The following NLRP13 variants were observed in gnomAD, a reference collection of about 807,000 sequenced individuals.
NLRP13 encodes NACHT, LRR and PYD domains-containing protein 13.
A neutral mutation model predicts 94.4 loss-of-function variants in NLRP13; 82 were observed. That is an observed-to-expected ratio of 0.87 (90% CI 0.73 to 1.04). NLRP13 has a LOEUF of 1.04. Ranked by LOEUF, NLRP13 falls within the 50% of genes least tolerant of loss-of-function variation. The probability of loss-of-function intolerance (pLI) is 0.00; values close to 1 mark genes in which losing one functional copy is unlikely to be tolerated. For missense variants in NLRP13, 1,426 were observed against 1,230.8 expected (o/e 1.16, Z -2.37); for synonymous variants, 553 against 464.7 (o/e 1.19, Z -2.45).
intron 1 of NLRP13, among the ~76,000 whole-genome samples, chr19:55,930,704 A>T (rs1213353603): frequency 7.1e-6 from 1 of 141,662 alleles, no homozygotes; most frequent in Non-Finnish European, 1.5e-5. Flanking sequence ...AAAAAAAAAA[A>T]AAAGAGTCAA....
chr19:55,892,275 G>GTGAGTATAGCACC (rs1371222063), downstream of NLRP13, among the ~76,000 whole-genome samples: 1 of 152,132 alleles, frequency 6.6e-6, no homozygotes, highest in Non-Finnish European at 1.5e-5. Flanking sequence ...CACCCAGGTA[G>GTGAGTATAGCACC]TGAGTATAGC....
At chr19:55,930,450 C>T (rs1295119257) in intron 1 of NLRP13, among the ~76,000 whole-genome samples, 2 of 152,028 alleles carry the variant, frequency 1.3e-5, no homozygotes, top group East Asian at 3.9e-4. Flanking sequence ...TTTTGGGAGG[C>T]TGAGGCAGGC....
intron 1 of NLRP13, among the ~76,000 whole-genome samples, chr19:55,926,563 C>G (rs565935329): frequency 1.3e-5 from 2 of 152,266 alleles, no homozygotes; most frequent in East Asian, 1.9e-4. Context: ...ATTACTCCCC[C>G]CAGGCTCCAT....
chr19:55,920,888 GTGTA>G (rs913510666), intron 4 of NLRP13, among the ~76,000 whole-genome samples: 1 of 151,888 alleles, frequency 6.6e-6, no homozygotes, highest in Non-Finnish European at 1.5e-5. Context: ...AGAAAATGTG[GTGTA>G]TGTATGTATG....
Position 55,907,884 on chromosome 19 carries a change from G to A in NLRP13, c.2355C>T (p.Thr785=), listed in dbSNP as rs1568691583. 1.2e-6 allele frequency: 2 copies of A among 1,613,592 alleles called. No individual in the cohort carries two copies. The highest frequency in any genetic ancestry group is 1.7e-6 in the Non-Finnish European group (2 of 1,179,710). Residue 785 remains threonine, a synonymous_variant, in exon 7 of 11, where the codon ACC becomes ACT. Coordinates refer to ENST00000342929, the MANE Select transcript of NLRP13 (RefSeq NM_176810.2). ...GCTTGTTAGAGCTGAAGTTCAGATG[G>A]GTCAGCTTGCTGTTACCCTGAAGGG... ...IIALQGNSKL[T]HLNFSSNKLG...
downstream of NLRP13, among the ~76,000 whole-genome samples, chr19:55,892,532 C>T (rs1985885222): frequency 1.3e-5 from 2 of 152,164 alleles, no homozygotes; most frequent in Non-Finnish European, 2.9e-5. Context: ...AGCGATTCTC[C>T]TGCCTTAGGC....
intron 10 of NLRP13, 133 bp downstream of exon 10, chr19:55,898,637 A>T: frequency 1.0e-6 from 1 of 975,304 alleles, no homozygotes; most frequent in Non-Finnish European, 1.5e-6. Flanking sequence ...GAGCCACCAC[A>T]CCTGGGTGAG....
intron 4 of NLRP13, 94 bp from the exon 5 acceptor site, chr19:55,913,387 A>C (rs1282151869): frequency 7.4e-7 from 1 of 1,343,238 alleles, no homozygotes; most frequent in Non-Finnish European, 1.0e-6. Context: ...AGACTTGAAT[A>C]AGAGAAACTC....
rs1371922336 is a variant in NLRP13, at chr19:55,910,629, T to C, written c.2216A>G (p.His739Arg). ...HELDLSNSKL[H>R]ASSVKGLCLA... is the part of the protein sequence containing the mutation. ...ACAGAGACCCTTCACAGAGGAAGCA[T>C]GAAGTTTGCTGTTACTCAGGTCTAG... The change falls in exon 6 of 11, where the codon CAT becomes CGT. Residue 739 changes from histidine (H) to arginine (R), a missense_variant. By Grantham distance (29) the His-to-Arg change is conservative (BLOSUM62 0). Coordinates refer to ENST00000342929, the MANE Select transcript of NLRP13 (RefSeq NM_176810.2). The C allele has an allele frequency of 2.5e-6, 4 of 1,613,788 alleles. No homozygotes were observed. The highest frequency in any genetic ancestry group is 1.7e-5 in the Admixed American group (1 of 60,026).
Position 55,912,551 on chromosome 19 carries a change from G to A in NLRP13, c.1266C>T (p.Cys422=). Residue 422 remains cysteine (C), a synonymous_variant, in exon 5 of 11, where the codon TGC becomes TGT. Transcript: ENST00000342929. Reference sequence around the variant, plus strand: ...CGGTCCAACACACCATGGGGGCACTGCAGGAATGAAAGAGAGTTTCGTTTT... The same window carrying A: ...CGGTCCAACACACCATGGGGGCACTACAGGAATGAAAGAGAGTTTCGTTTT... ...LRKNETLFHS[C]SAPMVCWTVC... The A allele has an allele frequency of 6.2e-7, 1 of 1,614,122 alleles. No individual in the cohort carries two copies. The highest frequency in any genetic ancestry group is 1.3e-5 in the African/African-American group (1 of 75,060).
rs576542480 is a variant in NLRP13, at chr19:55,907,387, C to A, written c.2447+405G>T. Among the ~76,000 whole-genome samples the A allele has an allele frequency of 2.3e-3, 343 of 152,212 alleles. 3 individuals are homozygous for A. The highest frequency in any genetic ancestry group is 3.6e-3 in the Non-Finnish European group (245 of 68,018). Reference sequence around the variant, plus strand: ...AGGAGTTCAAGACCAGCCTGGGAAACATGGCAAAACCCCATTTCTACAAAA... The same window carrying A: ...AGGAGTTCAAGACCAGCCTGGGAAAAATGGCAAAACCCCATTTCTACAAAA... On this transcript the variant is annotated intron_variant, in intron 7 of 10. Coordinates refer to ENST00000342929, the MANE Select transcript of NLRP13 (RefSeq NM_176810.2).
Position 55,912,345 on chromosome 19 carries a change from AG to A in NLRP13, c.1471del (p.Leu491CysfsTer4). 1 of 1,614,140 alleles carries A rather than the reference AG, an allele frequency of 6.2e-7. No homozygotes were observed. Among genetic ancestry groups the A allele is most frequent in the Non-Finnish European group, 8.5e-7 (1 of 1,180,004 alleles). ...RALCSLAIEG[L>X]WSMNFTFNKE... ...GTTAAACGTGAAGTTCATAGACCAC[AG>A]CCCTTCTATGGCCAGACTGCAGAGG... On this transcript the variant is annotated frameshift_variant, in exon 5 of 11. Coordinates refer to ENST00000342929, the MANE Select transcript of NLRP13 (RefSeq NM_176810.2). LOFTEE classifies it high-confidence loss of function.
intron 1 of NLRP13, among the ~76,000 whole-genome samples, chr19:55,925,471 T>C (rs578236920): frequency 4.6e-4 from 70 of 152,346 alleles, no homozygotes; most frequent in African/African-American, 1.7e-3. Flanking sequence ...GTTATGTCTA[T>C]TGCCTGTCTA....
At chr19:55,915,906 A>G (rs1032993121) in intron 4 of NLRP13, among the ~76,000 whole-genome samples, 2 of 152,208 alleles carry the variant, frequency 1.3e-5, no homozygotes, top group African/African-American at 4.8e-5. Flanking sequence ...CAACTGCTGC[A>G]GCTGGCTCTA....
Position 55,912,341 on chromosome 19 carries a change from C to T in NLRP13, c.1476G>A (p.Trp492Ter). The T allele has an allele frequency of 1.2e-6, 2 of 1,614,110 alleles. No homozygotes were observed. The highest frequency in any genetic ancestry group is 1.7e-6 in the Non-Finnish European group (2 of 1,180,000). The change falls in exon 5 of 11, where the codon TGG (tryptophan) becomes TGA (stop). Residue 492 changes from tryptophan (W) to a stop codon, truncating the protein, a stop_gained. Coordinates refer to ENST00000342929, the MANE Select transcript of NLRP13 (RefSeq NM_176810.2). LOFTEE classifies it high-confidence loss of function. ...ALCSLAIEGL[W>*]SMNFTFNKED... The stretch of plus-strand genomic sequence containing the variant: ...CTTTGTTAAACGTGAAGTTCATAGA[C>T]CACAGCCCTTCTATGGCCAGACTGC...
chr19:55,903,244 G>A (rs1024395751), intron 8 of NLRP13, among the ~76,000 whole-genome samples: 2 of 151,974 alleles, frequency 1.3e-5, no homozygotes, highest in African/African-American at 4.8e-5. Context: ...ATCACCTATC[G>A]ATAATCCCAT....
downstream of NLRP13, among the ~76,000 whole-genome samples, chr19:55,892,490 C>T (rs1054465252): frequency 6.6e-6 from 1 of 152,084 alleles, no homozygotes; most frequent in Non-Finnish European, 1.5e-5. Flanking sequence ...GGCGTGATCT[C>T]GGCTCACTGC....
intron 1 of NLRP13, among the ~76,000 whole-genome samples, chr19:55,927,437 G>A (rs1436750797): frequency 1.4e-5 from 2 of 138,564 alleles, no homozygotes; most frequent in East Asian, 2.2e-4. Flanking sequence ...CTTTGCCTGT[G>A]AAATAAAGTC....
At chr19:55,897,868 A>T (rs529815554) in intron 10 of NLRP13, among the ~76,000 whole-genome samples, 1 of 152,320 alleles carries the variant, frequency 6.6e-6, no homozygotes, top group African/African-American at 2.4e-5. Context: ...ACAAATCCTA[A>T]CACTGTTTCT....
Sources: allele counts gnomAD v4.1 joint callset (sites outside exome capture counted in the v4.1 genomes callset), GRCh38; gene constraint gnomAD v4.1.1; transcripts MANE v1.5; gene names NCBI Gene and HGNC (gene_info 2026-07-23, HGNC 2026-07-21).